Variants in OTUD4 observed in about 807,000 individuals in gnomAD.
The protein encoded by OTUD4 is OTU domain-containing protein 4.
OTUD4 carries 24 observed loss-of-function variants against 130.4 expected under a neutral mutation model. The ratio of observed to expected loss-of-function variants is 0.18; its 90% CI spans 0.13 to 0.26. The LOEUF is 0.26. OTUD4 is among the 10% of genes least tolerant of loss of function. The pLI, the probability that OTUD4 is intolerant of heterozygous loss-of-function variation, is 1.00. For synonymous variants in OTUD4, 420 were observed against 472.5 expected, an observed-to-expected ratio of 0.89 and a Z score of 1.44; for missense variants, 1,031 against 1,329.4, an observed-to-expected ratio of 0.78 and a Z score of 3.49.
At chr4:145,159,250 C>T (rs924993905) in intron 7 of OTUD4, 31 of 1,269,068 alleles carry the variant, frequency 2.4e-5, no homozygotes, top group Non-Finnish European at 3.1e-5. Flanking sequence ...ATTTATTCTA[C>T]AAATATGCAT....
intron 1 of OTUD4, among the ~76,000 whole-genome samples, chr4:145,175,784 C>G (rs1199759898): frequency 6.6e-6 from 1 of 151,582 alleles, no homozygotes. Context: ...ACCTCGTGAT[C>G]CGCCCACCTC....
In OTUD4 at chr4:145,150,815, T is replaced by C. The variant is rs1378608030; in HGVS notation, c.1059A>G (p.Gln353=). Residue 353 remains glutamine (Q), a synonymous_variant, in exon 12 of 21, where the codon CAA becomes CAG. Coordinates refer to ENST00000447906, the MANE Select transcript of OTUD4 (RefSeq NM_001366057.1). ...ATGTGCTCCTACCAGAATGGAAATT[T>C]TGTCCAGAAGTGGAAGGTTTTTTCA... ...KKMKKPSTSG[Q]NFHSDVDYRG... 1.2e-6 allele frequency: 2 copies of C among 1,613,656 alleles called. No homozygotes were observed. The highest frequency in any genetic ancestry group is 1.7e-6 in the Non-Finnish European group (2 of 1,179,704).
intron 6 of OTUD4, among the ~76,000 whole-genome samples, chr4:145,159,898 A>G (rs1021077604): frequency 2.0e-5 from 3 of 152,258 alleles, no homozygotes; most frequent in Admixed American, 1.3e-4. Flanking sequence ...ACAAAAAGGT[A>G]TCACAACTGT....
rs36227330 is a variant in OTUD4, at chr4:145,134,888, G to A, written c.*2542C>T. On this transcript the variant is annotated 3_prime_UTR_variant, in exon 21 of 21. Transcript: ENST00000447906. ...AAAATATGTATGATCATAATATGGT[G>A]AAGTTTCATAATTTCCAACTCAAAA... 4.5e-3 allele frequency: 1,809 copies of A among 398,888 alleles called. 23 individuals are homozygous for A. The highest frequency in any genetic ancestry group is 0.033 in the African/African-American group (1,618 of 48,718). The allele number at this position is 398,888 out of a possible 1,614,324, so 24.7% of individuals were successfully genotyped here. A position where few individuals can be genotyped will look rare whatever the true frequency, so the allele number is the denominator to read the frequency against.
At chr4:145,147,196 G>C (rs1750864035) in intron 13 of OTUD4, among the ~76,000 whole-genome samples, 1 of 152,056 alleles carries the variant, frequency 6.6e-6, no homozygotes, top group Admixed American at 6.6e-5. Flanking sequence ...AAAATACTTT[G>C]TCACAGTACA....
intron 13 of OTUD4, among the ~76,000 whole-genome samples, chr4:145,148,046 C>A (rs1317704414): frequency 6.6e-6 from 1 of 152,124 alleles, no homozygotes; most frequent in East Asian, 1.9e-4. Flanking sequence ...TAATTAGTCA[C>A]AATGTCAAAA....
intron 14 of OTUD4, among the ~76,000 whole-genome samples, chr4:145,145,825 C>A (rs563802049): frequency 1.3e-5 from 2 of 152,204 alleles, no homozygotes; most frequent in Admixed American, 1.3e-4. Flanking sequence ...GTGCCTGACA[C>A]ATGGAGAAAG....
chr4:145,159,411 T>C, intron 7 of OTUD4, 92 bp downstream of exon 7: 15 of 1,585,938 alleles, frequency 9.5e-6, no homozygotes, highest in Non-Finnish European at 1.3e-5. Flanking sequence ...CCTCAATATA[T>C]GTTATAGAAA....
intron 13 of OTUD4, among the ~76,000 whole-genome samples, 160 bp from the exon 14 acceptor site, chr4:145,146,589 G>A (rs1750840057): frequency 6.6e-6 from 1 of 151,590 alleles, no homozygotes; most frequent in South Asian, 2.1e-4. Context: ...TAGCTACACT[G>A]ACATTTTAGA....
chr4:145,166,623 C>T (rs1180180093), intron 3 of OTUD4, among the ~76,000 whole-genome samples: 11 of 152,122 alleles, frequency 7.2e-5, no homozygotes, highest in Non-Finnish European at 1.3e-4. Flanking sequence ...AGGCAGATCA[C>T]GAGGTTGGGA....
At chr4:145,154,011 A>C (rs183186208) in intron 10 of OTUD4, among the ~76,000 whole-genome samples, 12 of 152,336 alleles carry the variant, frequency 7.9e-5, no homozygotes, top group Admixed American at 2.0e-4. Flanking sequence ...ATAGGAAAAA[A>C]ATGAAAGCAT....
rs1269037043 is a variant in OTUD4 at position 145,179,590 on chromosome 4, G to C, written c.159+225C>G. ...CCTCAACTCATTACCTCTTCATCAG[G>C]AGAGAGACACCCCGTTAATTTGCGG... On this transcript the variant is annotated intron_variant, in intron 1 of 20. Transcript: ENST00000447906. 3.6e-6 allele frequency: 5 copies of C among 1,372,908 alleles called. No homozygotes were observed. The African/African-American group carries it at 4.6e-5, about 13-fold the overall frequency. The allele number at this position is 1,372,908 out of a possible 1,614,324, so 85.0% of individuals were successfully genotyped here.
At position 145,133,918 on chromosome 4, in the gene OTUD4, C is replaced by A. The variant is rs954315106; in HGVS notation, c.*3512G>T. ...CAAGTAACATCACAAATGATCACAT[C>A]TTCACATGCTCTTAAAGTATTATTT... is the stretch of plus-strand genomic sequence containing the variant. On this transcript the variant is annotated 3_prime_UTR_variant, in exon 21 of 21. Transcript: ENST00000447906. 6.6e-6 allele frequency: 1 copy of A among 152,624 alleles called. No homozygotes were observed. The highest frequency in any genetic ancestry group is 1.5e-5 in the Non-Finnish European group (1 of 68,050). The allele number at this position is 152,624 out of a possible 1,614,324, so 9.5% of individuals were successfully genotyped here.
At chr4:145,158,968 C>G (rs780821787) in intron 7 of OTUD4, among the ~76,000 whole-genome samples, 1 of 152,170 alleles carries the variant, frequency 6.6e-6, no homozygotes, top group Non-Finnish European at 1.5e-5. Flanking sequence ...CTATCTTGTA[C>G]GTCTTGTGTG....
At chr4:145,161,995 C>T (rs190225925) in intron 6 of OTUD4, among the ~76,000 whole-genome samples, 126 of 152,228 alleles carry the variant, frequency 8.3e-4, no homozygotes, top group African/African-American at 2.7e-3. Flanking sequence ...CACTTTGAAA[C>T]AAGGTCTCAC....
In OTUD4 at chr4:145,155,722, T is replaced by G; in HGVS notation, c.691-36A>C. On this transcript the variant is annotated intron_variant, in intron 8 of 20. Coordinates refer to ENST00000447906, the MANE Select transcript of OTUD4 (RefSeq NM_001366057.1). Reference sequence around the variant, plus strand: ...TCAGGAAGTCCAATCAACACATAAGTGCTTTTAAAACATTTTTGTTTGAGA... The same window carrying G: ...TCAGGAAGTCCAATCAACACATAAGGGCTTTTAAAACATTTTTGTTTGAGA... 4.4e-6 allele frequency: 6 copies of G among 1,359,258 alleles called. No homozygotes were observed. In the Admixed American group the frequency reaches 8.7e-5, roughly 20 times the overall value. The allele number at this position is 1,359,258 out of a possible 1,614,324, so 84.2% of individuals were successfully genotyped here.
In OTUD4 at chr4:145,179,868, G is replaced by A; in HGVS notation, c.106C>T (p.Arg36Trp). 6.6e-7 allele frequency: 1 copy of A among 1,516,468 alleles called. No homozygotes were observed. The highest frequency in any genetic ancestry group is 8.8e-7 in the Non-Finnish European group (1 of 1,136,784). The allele number at this position is 1,516,468 out of a possible 1,614,324, so 93.9% of individuals were successfully genotyped here. A position where few individuals can be genotyped will look rare whatever the true frequency, so the allele number is the denominator to read the frequency against. The change falls in exon 1 of 21, where the codon CGG (arginine) becomes TGG (tryptophan). Residue 36 changes from arginine (R) to tryptophan (W), a missense_variant. Transcript: ENST00000447906. ...GACCCGTCCTTGGCGACCAGTTTCC[G>A]ATACAAGCCCAGTTTCCGCAGATAG... Reference protein sequence around the residue: ...DAYLRKLGLYRKLVAKDGSCL... With the variant: ...DAYLRKLGLYWKLVAKDGSCL...
At chr4:145,155,506 A>G in intron 9 of OTUD4, 31 bp from the exon 10 acceptor site, 1 of 1,602,202 alleles carries the variant, frequency 6.2e-7, no homozygotes. Flanking sequence ...AGTATAATAT[A>G]AAGTTGACTT....
At chr4:145,175,435 C>T (rs1752371131) in intron 1 of OTUD4, among the ~76,000 whole-genome samples, 1 of 152,236 alleles carries the variant, frequency 6.6e-6, no homozygotes, top group Admixed American at 6.5e-5. Context: ...TCCAGATCCT[C>T]TCACTCTGCA....
Sources: allele counts gnomAD v4.1 joint callset (sites outside exome capture counted in the v4.1 genomes callset), GRCh38; gene constraint gnomAD v4.1.1; transcripts MANE v1.5; gene names NCBI Gene and HGNC (gene_info 2026-07-23, HGNC 2026-07-21).